The following ATXN10 variants were observed in gnomAD, a reference collection of about 807,000 sequenced individuals.
ATXN10 encodes ataxin-10.
A neutral mutation model predicts 52.9 loss-of-function variants in ATXN10; 28 were observed. The observed-to-expected ratio is 0.53, with a 90% CI of 0.39 to 0.73. The LOEUF is 0.73. Ranked by LOEUF, ATXN10 falls within the 30% of genes least tolerant of loss-of-function variation. ATXN10 has a pLI of 0.00. For missense variants in ATXN10, 565 were observed against 577.0 expected, an observed-to-expected ratio of 0.98 and a Z score of 0.21; for synonymous variants, 226 against 221.5, an observed-to-expected ratio of 1.02 and a Z score of -0.18.
intron 10 of ATXN10, among the ~76,000 whole-genome samples, chr22:45,813,121 C>G (rs902744684): frequency 7.2e-5 from 11 of 152,206 alleles, no homozygotes; most frequent in African/African-American, 2.4e-4. Context: ...GCCCAACTCA[C>G]TTTTGGGTCA....
At chr22:45,740,232 T>A in intron 8 of ATXN10, 137 bp from the exon 9 acceptor site, 1 of 807,912 alleles carries the variant, frequency 1.2e-6, no homozygotes, top group Non-Finnish European at 2.0e-6. Flanking sequence ...AGCCTTGTAA[T>A]CATTATTTAA....
At chr22:45,797,433 A>G (rs754339017) in intron 9 of ATXN10, among the ~76,000 whole-genome samples, 1 of 152,252 alleles carries the variant, frequency 6.6e-6, no homozygotes, top group Non-Finnish European at 1.5e-5. Flanking sequence ...ATATTTGAAA[A>G]TTAAACAGTA....
Position 45,718,985 on chromosome 22 carries a change from C to T in ATXN10, c.728+492C>T, listed in dbSNP as rs563486056. On this transcript the variant is annotated intron_variant, in intron 6 of 11. Transcript: ENST00000252934. The surrounding 1 kb of genome is among the most constrained non-coding windows in gnomAD (Gnocchi z 4.4). ...ACCTAGGAGTTCTAAGACACTGGCC[C>T]TGTGCTTTGCTGTGATTATAGTTCT... Among the ~76,000 whole-genome samples the T allele has an allele frequency of 1.3e-5, 2 of 151,866 alleles. No individual in the cohort carries two copies. Among genetic ancestry groups the T allele is most frequent in the East Asian group, 1.9e-4 (1 of 5,166 alleles).
chr22:45,755,939 C>T (rs903450231), intron 9 of ATXN10, among the ~76,000 whole-genome samples: 5 of 152,168 alleles, frequency 3.3e-5, no homozygotes, highest in Non-Finnish European at 7.4e-5. Flanking sequence ...AAGGGTGCAA[C>T]CGCATAAGAA....
chr22:45,743,165 G>A (rs570674434), intron 9 of ATXN10, among the ~76,000 whole-genome samples: 1 of 152,310 alleles, frequency 6.6e-6, no homozygotes, highest in East Asian at 1.9e-4. Context: ...GTTGCTAATA[G>A]CACTGCTGAT....
chr22:45,737,393 A>G (rs1283549716), intron 7 of ATXN10, among the ~76,000 whole-genome samples: 1 of 152,224 alleles, frequency 6.6e-6, no homozygotes, highest in Admixed American at 6.5e-5. Context: ...CTTTAACAAA[A>G]GAGGTTGATG....
intron 9 of ATXN10, among the ~76,000 whole-genome samples, chr22:45,768,268 G>A (rs1926657027): frequency 6.6e-6 from 1 of 152,052 alleles, no homozygotes; most frequent in South Asian, 2.1e-4. Flanking sequence ...TGGGGAAGGT[G>A]GACCTCGGAC....
intron 3 of ATXN10, among the ~76,000 whole-genome samples, chr22:45,697,626 T>TTTTA (rs1433465586): frequency 6.6e-6 from 1 of 152,010 alleles, no homozygotes; most frequent in African/African-American, 2.4e-5. Flanking sequence ...AGCATAATGT[T>TTTTA]TTTATTTATT....
rs1047325951 is a variant in ATXN10 at position 45,763,995 on chromosome 22, C to T, written c.1173+23457C>T. 6.6e-6 allele frequency among the ~76,000 whole-genome samples: 1 copy of T among 152,058 alleles called. No homozygotes were observed. Among genetic ancestry groups the T allele is most frequent in the Non-Finnish European group, 1.5e-5 (1 of 68,008 alleles). ...AATACCTGACTTGTGAGTTCCATTC[C>T]AGAATTCGGCCAGCCAGTTTCTCCC... On this transcript the variant is annotated intron_variant, in intron 9 of 11. Coordinates refer to ENST00000252934, the MANE Select transcript of ATXN10 (RefSeq NM_013236.4). The surrounding 1 kb of genome is among the most constrained non-coding windows in gnomAD (Gnocchi z 6.9).
chr22:45,800,035 A>G lies in ATXN10; in HGVS notation c.1174-6924A>G, dbSNP rs12628577. On this transcript the variant is annotated intron_variant, in intron 9 of 11. Transcript: ENST00000252934. ...GCCACATAAAAGCTGGGAATACAAA[A>G]CTTGTAGAAGAAAACATTATGGATA... 1.8e-4 allele frequency among the ~76,000 whole-genome samples: 27 copies of G among 152,294 alleles called. No homozygotes were observed. The East Asian group carries it at 5.2e-3, about 29-fold the overall frequency.
rs1309284788 is a variant in ATXN10 at position 45,826,108 on chromosome 22, C to G, written c.1238-16883C>G. On this transcript the variant is annotated intron_variant, in intron 10 of 11. Transcript: ENST00000252934. The surrounding 1 kb of genome is among the most constrained non-coding windows in gnomAD (Gnocchi z 5.0). ...GCCCAATATGGACAAAATGAAATGT[C>G]AGCAAAGAGATAGAAGACCTGAAGA... Among the ~76,000 whole-genome samples the G allele has an allele frequency of 6.6e-6, 1 of 152,058 alleles. No homozygotes were observed. Among genetic ancestry groups the G allele is most frequent in the Non-Finnish European group, 1.5e-5 (1 of 68,002 alleles).
chr22:45,695,800 C>T (rs1923584093), intron 3 of ATXN10, among the ~76,000 whole-genome samples: 2 of 152,086 alleles, frequency 1.3e-5, no homozygotes, highest in African/African-American at 4.8e-5. Flanking sequence ...CCACGTGAGG[C>T]ATATTTCTAT....
At chr22:45,674,110 C>G (rs911936725) in intron 1 of ATXN10, 2 of 152,048 alleles carry the variant, frequency 1.3e-5, no homozygotes, top group East Asian at 1.9e-4. Context: ...AATGAGAGGA[C>G]GAAGCTAGAG....
intron 7 of ATXN10, among the ~76,000 whole-genome samples, chr22:45,735,081 G>T (rs10427582): frequency 7.9e-5 from 12 of 151,978 alleles, no homozygotes; most frequent in Middle Eastern, 3.4e-3. Context: ...GTTTCGCCTT[G>T]TTGGCCAGGC....
intron 10 of ATXN10, among the ~76,000 whole-genome samples, chr22:45,839,070 A>G (rs1242908169): frequency 2.0e-5 from 3 of 152,232 alleles, no homozygotes; most frequent in African/African-American, 7.2e-5. Flanking sequence ...AGGAAAGATG[A>G]ATTTCACTTA....
At chr22:45,756,757 A>G (rs923745599) in intron 9 of ATXN10, among the ~76,000 whole-genome samples, 8 of 152,350 alleles carry the variant, frequency 5.3e-5, no homozygotes, top group African/African-American at 1.9e-4. Context: ...AGCTGCACTT[A>G]GCTCATATTA....
In ATXN10 at chr22:45,795,888, A is replaced by G. The variant is rs561217436; in HGVS notation, c.1174-11071A>G. 5.9e-5 allele frequency among the ~76,000 whole-genome samples: 9 copies of G among 152,198 alleles called. No individual in the cohort carries two copies. Among genetic ancestry groups the G allele is most frequent in the Non-Finnish European group, 7.3e-5 (5 of 68,032 alleles). Reference sequence around the variant, plus strand: ...ATGTATGTCACCTCAGGATCCCGTGATGATCACGTTATCTGCACAAATTGT... The same window carrying G: ...ATGTATGTCACCTCAGGATCCCGTGGTGATCACGTTATCTGCACAAATTGT... On this transcript the variant is annotated intron_variant, in intron 9 of 11. Coordinates refer to ENST00000252934, the MANE Select transcript of ATXN10 (RefSeq NM_013236.4). This position sits in a 1 kb window ranked among gnomAD's most constrained non-coding sequence, Gnocchi z 4.6.
chr22:45,729,061 G>T (rs541910474), intron 6 of ATXN10, among the ~76,000 whole-genome samples: 1 of 152,176 alleles, frequency 6.6e-6, no homozygotes, highest in African/African-American at 2.4e-5. Flanking sequence ...GCTTAGCTCC[G>T]TAGAAAATGG....
chr22:45,740,335 C>A, intron 8 of ATXN10, 34 bp from the exon 9 acceptor site: 1 of 1,611,928 alleles, frequency 6.2e-7, no homozygotes, highest in Non-Finnish European at 8.5e-7. Flanking sequence ...AGTTACTTTT[C>A]TGTGGAAAAT....
Sources: gnomAD v4.1 joint callset for allele counts (sites outside exome capture counted in the v4.1 genomes callset) on GRCh38, gnomAD v4.1.1 for gene constraint, Gnocchi (gnomAD v3.1) non-coding constraint, MANE v1.5 for transcripts, NCBI Gene and HGNC (gene_info 2026-07-23, HGNC 2026-07-21) for gene names.